CACNA1C: variants seen among roughly 807,000 people sequenced by gnomAD.
The protein encoded by CACNA1C is voltage-dependent L-type calcium channel subunit alpha-1C.
In CACNA1C, 30 loss-of-function variants were observed where a neutral mutation model predicts 229.0. The ratio of observed to expected loss-of-function variants is 0.13; its 90% CI spans 0.10 to 0.18. The LOEUF is 0.18. Ranked by LOEUF, CACNA1C falls within the 10% of genes least tolerant of loss-of-function variation. The pLI is 1.00. For synonymous variants in CACNA1C, 1,114 were observed against 1,132.5 expected, an observed-to-expected ratio of 0.98 and a Z score of 0.33; for missense variants, 1,658 against 2,845.0, an observed-to-expected ratio of 0.58 and a Z score of 9.49.
chr12:2,379,754 G>A (rs1039271673), intron 3 of CACNA1C, among the ~76,000 whole-genome samples: 7 of 152,088 alleles, frequency 4.6e-5, no homozygotes, highest in Non-Finnish European at 8.8e-5. Flanking sequence ...AGACATGGCC[G>A]GGCGCGGTGG....
In CACNA1C at chr12:2,166,567, G is replaced by A. The variant is rs561566705; in HGVS notation, c.477+46137G>A. Among the ~76,000 whole-genome samples the A allele has an allele frequency of 2.0e-5, 3 of 152,192 alleles. No individual in the cohort carries two copies. In the East Asian group the frequency reaches 5.8e-4, roughly 29 times the overall value. On this transcript the variant is annotated intron_variant, in intron 3 of 46. Transcript: ENST00000399655. ...AGTATGGTGGGCAAAGGAATTTATC[G>A]GTTACTAATTTTATAAATAACCTTC...
At chr12:2,325,430 C>A (rs1178288560) in intron 3 of CACNA1C, among the ~76,000 whole-genome samples, 1 of 152,218 alleles carries the variant, frequency 6.6e-6, no homozygotes, top group Non-Finnish European at 1.5e-5. Flanking sequence ...AAGTAAATGT[C>A]TAATAGTTGA....
chr12:2,541,455 C>T (rs2099870138), intron 9 of CACNA1C, among the ~76,000 whole-genome samples: 1 of 152,324 alleles, frequency 6.6e-6, no homozygotes, highest in South Asian at 2.1e-4. Flanking sequence ...TTAGTTCCAT[C>T]CTGGAGTGCC....
intron 3 of CACNA1C, among the ~76,000 whole-genome samples, chr12:2,443,807 T>C (rs2099251131): frequency 6.6e-6 from 1 of 152,246 alleles, no homozygotes; most frequent in African/African-American, 2.4e-5. Context: ...CTTAGATGTT[T>C]CTATGACAGC....
chr12:2,307,754 C>T (rs1232239897), intron 3 of CACNA1C, among the ~76,000 whole-genome samples: 1 of 152,182 alleles, frequency 6.6e-6, no homozygotes, highest in Non-Finnish European at 1.5e-5. Context: ...TTTTACAGGG[C>T]AGGAGGTGCA....
intron 1 of CACNA1C, among the ~76,000 whole-genome samples, chr12:2,012,090 C>A (rs1261158385): frequency 6.6e-6 from 1 of 152,104 alleles, no homozygotes; most frequent in Admixed American, 6.5e-5. Context: ...TATGAAGCCC[C>A]AAAGGTAATT....
intron 13 of CACNA1C, among the ~76,000 whole-genome samples, chr12:2,568,123 C>G (rs2052254665): frequency 6.6e-6 from 1 of 152,176 alleles, no homozygotes; most frequent in Non-Finnish European, 1.5e-5. Flanking sequence ...CTTCACCAGC[C>G]TTGGTGCTGA....
chr12:2,304,504 T>A (rs1237729015), intron 3 of CACNA1C, among the ~76,000 whole-genome samples: 1 of 152,222 alleles, frequency 6.6e-6, no homozygotes, highest in Non-Finnish European at 1.5e-5. Flanking sequence ...TTTGTCCCCC[T>A]GTGCTTTTGC....
At chr12:2,065,541 C>T (rs2059000617) in intron 1 of CACNA1C, among the ~76,000 whole-genome samples, 1 of 152,196 alleles carries the variant, frequency 6.6e-6, no homozygotes, top group Admixed American at 6.5e-5. Context: ...TCAACTATCC[C>T]TTCCTTTAAG....
At chr12:2,425,326 A>G (rs1035534248) in intron 3 of CACNA1C, among the ~76,000 whole-genome samples, 3 of 152,274 alleles carry the variant, frequency 2.0e-5, no homozygotes, top group Admixed American at 1.3e-4. Flanking sequence ...TTGGAAAAAT[A>G]CACACAAAGG....
chr12:2,514,326 G>A (rs1040529785), intron 9 of CACNA1C, among the ~76,000 whole-genome samples: 40 of 152,156 alleles, frequency 2.6e-4, no homozygotes, highest in African/African-American at 7.2e-4. Flanking sequence ...TTCTGATAAC[G>A]CTGCTCAAGG....
intron 5 of CACNA1C, among the ~76,000 whole-genome samples, chr12:2,472,060 G>C (rs2099596397): frequency 6.6e-6 from 1 of 152,130 alleles, no homozygotes; most frequent in African/African-American, 2.4e-5. Context: ...TCAGTTTTCA[G>C]CAGTTTGACT....
chr12:2,120,856 A>G (rs1049756546), intron 3 of CACNA1C, among the ~76,000 whole-genome samples: 50 of 152,070 alleles, frequency 3.3e-4, no homozygotes, highest in African/African-American at 1.2e-3. Flanking sequence ...GTGTTGCTGC[A>G]CGATAAATAA....
intron 3 of CACNA1C, among the ~76,000 whole-genome samples, chr12:2,123,244 C>T (rs3858701): frequency 0.029 from 4,389 of 151,918 alleles, 211 homozygotes; most frequent in African/African-American, 0.099. Context: ...GGCGTGGTGG[C>T]GGGCACCTGT....
chr12:2,223,749 C>G (rs191726430), intron 3 of CACNA1C, among the ~76,000 whole-genome samples: 3 of 152,080 alleles, frequency 2.0e-5, no homozygotes, highest in Admixed American at 6.5e-5. Context: ...TTGTACCCTA[C>G]GTACATTAGA....
chr12:2,603,161 A>G (rs1387975481), intron 22 of CACNA1C, among the ~76,000 whole-genome samples: 1 of 152,184 alleles, frequency 6.6e-6, no homozygotes, highest in East Asian at 1.9e-4. Flanking sequence ...GAATCCCAGC[A>G]TGGCCACTCA....
At chr12:1,985,301 A>G (rs1826010052) in intron 1 of CACNA1C, among the ~76,000 whole-genome samples, 1 of 152,190 alleles carries the variant, frequency 6.6e-6, no homozygotes, top group African/African-American at 2.4e-5. Flanking sequence ...ATTTTTAAAA[A>G]ACATCTTGGC....
intron 3 of CACNA1C, among the ~76,000 whole-genome samples, chr12:2,161,032 G>T (rs1316397050): frequency 6.6e-6 from 1 of 152,224 alleles, no homozygotes; most frequent in Non-Finnish European, 1.5e-5. Flanking sequence ...ATGTTAGCCA[G>T]ACTGGTCTCG....
At chr12:2,318,940 G>C (rs968301620) in intron 3 of CACNA1C, among the ~76,000 whole-genome samples, 1 of 150,598 alleles carries the variant, frequency 6.6e-6, no homozygotes, top group Non-Finnish European at 1.5e-5. Context: ...AAGGAAGGAA[G>C]GCAGGCAGGG....
Sources: gnomAD v4.1 joint callset for allele counts (sites outside exome capture counted in the v4.1 genomes callset) on GRCh38, gnomAD v4.1.1 for gene constraint, MANE v1.5 for transcripts, NCBI Gene and HGNC (gene_info 2026-07-23, HGNC 2026-07-21) for gene names.